The following SMOC2 variants were observed in gnomAD, a reference collection of about 807,000 sequenced individuals.
SMOC2 encodes the protein SPARC related modular calcium binding 2.
SMOC2 carries 39 observed loss-of-function variants against 61.4 expected under a neutral mutation model. That is an observed-to-expected ratio of 0.64 (90% CI 0.49 to 0.83). The LOEUF is 0.83. Among genes scored for constraint, SMOC2 ranks in the 40% least tolerant of loss-of-function variants. The probability of loss-of-function intolerance (pLI) is 0.00; values close to 1 mark genes in which losing one functional copy is unlikely to be tolerated. For synonymous variants in SMOC2, 247 were observed against 239.9 expected, an observed-to-expected ratio of 1.03 and a Z score of -0.27; for missense variants, 556 against 592.9, an observed-to-expected ratio of 0.94 and a Z score of 0.65.
intron 2 of SMOC2, among the ~76,000 whole-genome samples, chr6:168,517,195 C>G (rs575885550): frequency 2.1e-4 from 32 of 151,552 alleles, no homozygotes; most frequent in Admixed American, 1.6e-3. Context: ...TGTGAGGCCT[C>G]GCTCTGAGGC....
rs562676402 is a variant in SMOC2 at position 168,488,109 on chromosome 6, C to T, written c.85-21806C>T. Among the ~76,000 whole-genome samples the T allele has an allele frequency of 5.5e-4, 84 of 152,324 alleles. No individual in the cohort carries two copies. In the Middle Eastern group the frequency reaches 0.01, roughly 19 times the overall value. On this transcript the variant is annotated intron_variant, in intron 1 of 12. Coordinates refer to ENST00000356284, the MANE Select transcript of SMOC2 (RefSeq NM_001166412.2). ...ACCACAAATGGGTAGCTTGAAACAG[C>T]AGAAACTTATGCTTTCCCAGTTCAG...
chr6:168,587,126 A>G (rs1785063739), intron 7 of SMOC2, among the ~76,000 whole-genome samples: 1 of 152,242 alleles, frequency 6.6e-6, no homozygotes, highest in Non-Finnish European at 1.5e-5. Flanking sequence ...CATTTAGGGT[A>G]TAATGCTATT....
At position 168,519,059 on chromosome 6, in the gene SMOC2, ATG is replaced by A. The variant is rs879262885; in HGVS notation, c.257-7280_257-7279del. Among the ~76,000 whole-genome samples, 524 of 133,122 alleles carry A rather than the reference ATG, an allele frequency of 3.9e-3. 7 individuals carry two copies. Among genetic ancestry groups the A allele is most frequent in the East Asian group, 0.038 (160 of 4,260 alleles). The allele number at this position is 133,122 out of a possible 152,430, so 87.3% of individuals were successfully genotyped here. A position where few individuals can be genotyped will look rare whatever the true frequency, so the allele number is the denominator to read the frequency against. ...TATGTGTGCATGTGTGAGCATGCAT[ATG>A]TGTGTGAGTGTATGTATGCGTGCAT... On this transcript the variant is annotated intron_variant, in intron 2 of 12. Coordinates refer to ENST00000356284, the MANE Select transcript of SMOC2 (RefSeq NM_001166412.2).
intron 8 of SMOC2, among the ~76,000 whole-genome samples, chr6:168,605,585 T>C (rs532671559): frequency 6.6e-6 from 1 of 152,308 alleles, no homozygotes; most frequent in East Asian, 1.9e-4. Context: ...ATTTTTATAT[T>C]AGCATCAGTG....
intron 1 of SMOC2, among the ~76,000 whole-genome samples, chr6:168,442,849 G>T (rs1781248414): frequency 6.6e-6 from 1 of 152,214 alleles, no homozygotes; most frequent in Non-Finnish European, 1.5e-5. Context: ...ATGACTTGTA[G>T]ATTAGAAACT....
intron 7 of SMOC2, among the ~76,000 whole-genome samples, chr6:168,587,707 T>C (rs938994705): frequency 6.6e-6 from 1 of 152,316 alleles, no homozygotes; most frequent in Non-Finnish European, 1.5e-5. Context: ...TGTCTGTCCT[T>C]GGTCCATGGG....
chr6:168,626,307 A>G (rs1381185643), intron 9 of SMOC2, among the ~76,000 whole-genome samples: 1 of 152,124 alleles, frequency 6.6e-6, no homozygotes, highest in Non-Finnish European at 1.5e-5. Context: ...GTGTGAGGAA[A>G]GAAGGTGGAA....
intron 1 of SMOC2, among the ~76,000 whole-genome samples, chr6:168,478,277 A>G (rs1481088084): frequency 2.0e-5 from 3 of 152,184 alleles, no homozygotes; most frequent in East Asian, 1.9e-4. Flanking sequence ...GAATAGTCCA[A>G]AATGTCTCCT....
chr6:168,532,019 A>T (rs932845165), intron 4 of SMOC2, among the ~76,000 whole-genome samples: 10 of 152,106 alleles, frequency 6.6e-5, no homozygotes, highest in African/African-American at 2.4e-4. Flanking sequence ...GCTCTCGGAG[A>T]CGTATCCAAG....
intron 9 of SMOC2, among the ~76,000 whole-genome samples, chr6:168,617,860 G>A (rs1035099754): frequency 6.6e-6 from 1 of 152,200 alleles, no homozygotes; most frequent in Non-Finnish European, 1.5e-5. Flanking sequence ...ACTGTATCTC[G>A]CCTGATTGCA....
chr6:168,607,082 G>A (rs954030874), intron 8 of SMOC2, among the ~76,000 whole-genome samples: 7 of 152,124 alleles, frequency 4.6e-5, no homozygotes, highest in East Asian at 3.9e-4. Context: ...CCCATCTCCC[G>A]GGAACGCACC....
chr6:168,644,914 T>C (rs1316668115), intron 9 of SMOC2, among the ~76,000 whole-genome samples: 2 of 152,102 alleles, frequency 1.3e-5, no homozygotes, highest in Non-Finnish European at 2.9e-5. Flanking sequence ...CCTCCCAAAG[T>C]GCTGGGATTA....
intron 2 of SMOC2, among the ~76,000 whole-genome samples, chr6:168,519,027 GTGTGTGTA>G (rs1362575463): frequency 3.7e-4 from 19 of 52,024 alleles, no homozygotes; most frequent in South Asian, 2.1e-3. Context: ...ATGCGAACAT[GTGTGTGTA>G]TGTGTGCATG....
chr6:168,487,849 C>A (rs189390497), intron 1 of SMOC2, among the ~76,000 whole-genome samples: 1 of 152,134 alleles, frequency 6.6e-6, no homozygotes, highest in African/African-American at 2.4e-5. Flanking sequence ...ACAATCTATA[C>A]GTTGATGTAG....
chr6:168,486,653 C>T (rs12200852), intron 1 of SMOC2, among the ~76,000 whole-genome samples: 24,363 of 151,182 alleles, frequency 0.16, 2,607 homozygotes, highest in Non-Finnish European at 0.23. Flanking sequence ...AAACCGACTG[C>T]GATTCACCAA....
At chr6:168,448,518 T>A (rs891070869) in intron 1 of SMOC2, among the ~76,000 whole-genome samples, 1 of 94,364 alleles carries the variant, frequency 1.1e-5, no homozygotes, top group Non-Finnish European at 2.1e-5. Context: ...AGGATGGTGA[T>A]GGGGAGGAGG....
At position 168,475,507 on chromosome 6, in the gene SMOC2, T is replaced by C. The variant is rs540948808; in HGVS notation, c.84+34053T>C. Among the ~76,000 whole-genome samples the C allele has an allele frequency of 6.6e-6, 1 of 152,100 alleles. No homozygotes were observed. The highest frequency in any genetic ancestry group is 6.5e-5 in the Admixed American group (1 of 15,292). On this transcript the variant is annotated intron_variant, in intron 1 of 12. Coordinates refer to ENST00000356284, the MANE Select transcript of SMOC2 (RefSeq NM_001166412.2). The surrounding 1 kb of genome is among the most constrained non-coding windows in gnomAD (Gnocchi z 4.6). Reference sequence around the variant, plus strand: ...GGCTCTGAGCAAGACGGGTGAGATGTTCTGTAAACCTGTGGCAGGCTGGGG... The same window carrying C: ...GGCTCTGAGCAAGACGGGTGAGATGCTCTGTAAACCTGTGGCAGGCTGGGG...
At chr6:168,566,314 C>T (rs538036731) in intron 7 of SMOC2, among the ~76,000 whole-genome samples, 1 of 152,230 alleles carries the variant, frequency 6.6e-6, no homozygotes, top group East Asian at 1.9e-4. Context: ...ATCATGTATA[C>T]TACATATGAA....
chr6:168,546,258 A>G lies in SMOC2; in HGVS notation c.512-861A>G, dbSNP rs1386078507. Among the ~76,000 whole-genome samples, 7 of 141,112 alleles carry G rather than the reference A, an allele frequency of 5.0e-5. No homozygotes were observed. The East Asian group carries it at 1.4e-3, about 28-fold the overall frequency. 92.6% of individuals were successfully genotyped at this position (141,112 alleles called of 152,430 possible). On this transcript the variant is annotated intron_variant, in intron 5 of 12. Transcript: ENST00000356284. ...ATATAAGCAAGCTTCAGTGAAAAAAAAAAAAAAAAAAAAAAAAAAGGATGA... is the reference window on the plus strand; with the variant it reads ...ATATAAGCAAGCTTCAGTGAAAAAAGAAAAAAAAAAAAAAAAAAAGGATGA...
Sources: gnomAD v4.1 joint callset for allele counts (sites outside exome capture counted in the v4.1 genomes callset) on GRCh38, gnomAD v4.1.1 for gene constraint, Gnocchi (gnomAD v3.1) non-coding constraint, MANE v1.5 for transcripts, NCBI Gene and HGNC (gene_info 2026-07-23, HGNC 2026-07-21) for gene names.